The following GYG2 variants were observed in gnomAD, a reference collection of about 807,000 sequenced individuals.
The protein encoded by GYG2 is glycogenin-2.
A neutral mutation model predicts 29.4 loss-of-function variants in GYG2; 29 were observed. That is an observed-to-expected ratio of 0.99 (90% CI 0.74 to 1.35). The LOEUF is 1.35. Among genes scored for constraint, GYG2 ranks in the 40% most tolerant of loss-of-function variants. GYG2 has a pLI of 0.00. For missense variants in GYG2, 370 were observed against 385.7 expected (o/e 0.96, Z 0.34); for synonymous variants, 167 against 172.3 (o/e 0.97, Z 0.24).
At chrX:2,830,309 A>G in intron 2 of GYG2, 114 bp downstream of exon 2, 1 of 679,359 alleles carries the variant, frequency 1.5e-6, no homozygotes, top group Non-Finnish European at 2.3e-6. Context: ...CCAAACCCCG[A>G]GTCTCCCCCT....
chrX:2,876,002 G>T, intron 9 of GYG2, 88 bp downstream of exon 9: 1 of 438,535 alleles, frequency 2.3e-6, no homozygotes, highest in South Asian at 5.9e-5. Context: ...ACATACCAGT[G>T]GGGGCGCCAT....
chrX:2,864,385 ATTT>A (rs11283991), intron 8 of GYG2, among the ~76,000 whole-genome samples: 1 of 100,155 alleles, frequency 1.0e-5, no homozygotes. Flanking sequence ...AAATGGTTGC[ATTT>A]TTTTTTTTTT....
chrX:2,860,106 G>A (rs1466230969), intron 7 of GYG2, 41 bp downstream of exon 7: 3 of 883,387 alleles, frequency 3.4e-6, no homozygotes, highest in African/African-American at 4.0e-5. Context: ...CTGAGGACGA[G>A]GAGAACATCC....
At chrX:2,870,347 A>C (rs6642054) in intron 8 of GYG2, among the ~76,000 whole-genome samples, 15,305 of 109,830 alleles carry the variant, frequency 0.14, 915 homozygotes, top group South Asian at 0.3. Context: ...GACTACAGGC[A>C]TCCGCCACTA....
At chrX:2,853,560 G>A (rs1030736845) in intron 3 of GYG2, 4 of 116,999 alleles carry the variant, frequency 3.4e-5, no homozygotes, top group African/African-American at 1.3e-4. Context: ...AGTAATCATT[G>A]TGCTTTGTGT....
In GYG2 at chrX:2,861,895, G is replaced by A. The variant is rs750646066; in HGVS notation, c.1038+173G>A. Among the ~76,000 whole-genome samples the A allele has an allele frequency of 6.3e-5, 7 of 111,699 alleles. No individual in the cohort carries two copies. The East Asian group carries it at 1.7e-3, about 27-fold the overall frequency. ...ATTTATTTTTGCATTACGGCACACCGAATCAAGCTCACCTGCTGAAAGATG... is the reference window on the plus strand; with the variant it reads ...ATTTATTTTTGCATTACGGCACACCAAATCAAGCTCACCTGCTGAAAGATG... On this transcript the variant is annotated intron_variant, in intron 8 of 10. Transcript: ENST00000398806.
At chrX:2,856,697 C>T in intron 6 of GYG2, 73 bp downstream of exon 6, 1 of 852,321 alleles carries the variant, frequency 1.2e-6, no homozygotes, top group Non-Finnish European at 1.7e-6. Context: ...GAAGACATAC[C>T]AGCTGTCGGC....
At chrX:2,867,103 GCTGT>G (rs1466364867) in intron 8 of GYG2, among the ~76,000 whole-genome samples, 1 of 111,988 alleles carries the variant, frequency 8.9e-6, no homozygotes, top group African/African-American at 3.2e-5. Flanking sequence ...TGGCCCTTCT[GCTGT>G]CTGTCTGAGC....
At chrX:2,873,648 A>G in intron 8 of GYG2, among the ~76,000 whole-genome samples, 1 of 111,406 alleles carries the variant, frequency 9.0e-6, no homozygotes, top group East Asian at 2.8e-4. Context: ...TGTGGTCACC[A>G]TGCTGTATGT....
chrX:2,835,301 G>T (rs779833316), intron 2 of GYG2, among the ~76,000 whole-genome samples: 2 of 111,462 alleles, frequency 1.8e-5, no homozygotes, highest in African/African-American at 6.5e-5. Flanking sequence ...CTGTGTGGAT[G>T]TTTATGGTGG....
At chrX:2,849,799 G>A (rs2087827134) in intron 3 of GYG2, among the ~76,000 whole-genome samples, 1 of 111,883 alleles carries the variant, frequency 8.9e-6, no homozygotes, top group Non-Finnish European at 1.9e-5. Flanking sequence ...ATTGACTCCT[G>A]CAAAATGGAA....
At chrX:2,876,194 TC>T (rs1040169552) in intron 9 of GYG2, among the ~76,000 whole-genome samples, 5 of 109,857 alleles carry the variant, frequency 4.6e-5, no homozygotes, top group African/African-American at 1.7e-4. Flanking sequence ...GTTATTCTCT[TC>T]CACTTTGCTT....
chrX:2,861,823 G>A, intron 8 of GYG2, 101 bp downstream of exon 8: 1 of 618,613 alleles, frequency 1.6e-6, no homozygotes, highest in African/African-American at 2.2e-5. Context: ...AGGGGAGATG[G>A]AGGGGAAGGG....
At position 2,830,287 on chromosome X, in the gene GYG2, C is replaced by T. The variant is rs552572612; in HGVS notation, c.7+92C>T. On this transcript the variant is annotated intron_variant, in intron 2 of 10. Transcript: ENST00000398806. ...GCACTGGGGAGAACCCCACTTTGAC[C>T]GCAGGATTGCCCCAAACCCCGAGTC... 2.0e-4 allele frequency: 166 copies of T among 837,334 alleles called. 1 individual carries two copies. In the South Asian group the frequency reaches 3.4e-3, roughly 17 times the overall value. 69.0% of individuals were successfully genotyped at this position (837,334 alleles called of 1,213,427 possible).
chrX:2,878,282 AATTATT>A (rs201944405), intron 10 of GYG2: 11 of 442,178 alleles, frequency 2.5e-5, no homozygotes, highest in Non-Finnish European at 2.8e-5. Flanking sequence ...TCTTTTTAAA[AATTATT>A]ATTATTATTA....
intron 6 of GYG2, among the ~76,000 whole-genome samples, chrX:2,856,961 GTTTATCTA>G (rs1323182613): frequency 0.091 from 3,941 of 43,215 alleles, 172 homozygotes; most frequent in African/African-American, 0.24. Flanking sequence ...CTAGACATCT[GTTTATCTA>G]TCTATCTATC....
intron 1 of GYG2, among the ~76,000 whole-genome samples, chrX:2,829,667 A>T (rs1231685483): frequency 1.1e-5 from 1 of 87,111 alleles, no homozygotes; most frequent in Non-Finnish European, 2.3e-5. Flanking sequence ...TGGTCCAGGG[A>T]GTGGAGAGGG....
At position 2,831,491 on chromosome X, in the gene GYG2, G is replaced by A. The variant is rs776420391; in HGVS notation, c.7+1296G>A. Reference sequence around the variant, plus strand: ...TCTGGACTTAGAGATGAAAATTGTCGGGGCAGGGATCTTAAGGGCTGTTTT... The same window carrying A: ...TCTGGACTTAGAGATGAAAATTGTCAGGGCAGGGATCTTAAGGGCTGTTTT... On this transcript the variant is annotated intron_variant, in intron 2 of 10. Transcript: ENST00000398806. Among the ~76,000 whole-genome samples, 22 of 111,754 alleles carry A rather than the reference G, an allele frequency of 2.0e-4. 1 individual carries two copies. Among genetic ancestry groups the A allele is most frequent in the Non-Finnish European group, 3.8e-4 (20 of 53,155 alleles).
At chrX:2,856,832 T>C (rs1425197332) in intron 6 of GYG2, among the ~76,000 whole-genome samples, 1 of 108,931 alleles carries the variant, frequency 9.2e-6, no homozygotes, top group African/African-American at 3.4e-5. Context: ...TCTAGGTAGA[T>C]CTAAATATCT....
Sources: gnomAD v4.1 joint callset for allele counts (sites outside exome capture counted in the v4.1 genomes callset) on GRCh38, gnomAD v4.1.1 for gene constraint, MANE v1.5 for transcripts, NCBI Gene and HGNC (gene_info 2026-07-23, HGNC 2026-07-21) for gene names.